Variants in RBM6 observed in about 807,000 individuals in gnomAD.
RBM6 encodes RNA binding motif protein 6, also known as RNA-binding protein 6.
A neutral mutation model predicts 140.4 loss-of-function variants in RBM6; 23 were observed. That is an observed-to-expected ratio of 0.16 (90% confidence interval 0.12 to 0.23). The LOEUF is 0.23. RBM6 is among the 10% of genes least tolerant of loss of function. The pLI, the probability that RBM6 is intolerant of heterozygous loss-of-function variation, is 1.00. For missense variants in RBM6, 1,139 were observed against 1,386.7 expected, an observed-to-expected ratio of 0.82 and a Z score of 2.84; for synonymous variants, 439 against 475.6, an observed-to-expected ratio of 0.92 and a Z score of 1.00.
chr3:49,943,721 T>C (rs906804216), intron 1 of RBM6, among the ~76,000 whole-genome samples: 6 of 152,204 alleles, frequency 3.9e-5, no homozygotes, highest in African/African-American at 1.4e-4. Context: ...CTCAAGGTAC[T>C]GGTATTACAG....
At chr3:50,023,766 A>T (rs541837059) in intron 6 of RBM6, among the ~76,000 whole-genome samples, 23 of 147,142 alleles carry the variant, frequency 1.6e-4, no homozygotes, top group African/African-American at 5.8e-4. Flanking sequence ...CTCGTGCCTC[A>T]GCCTCTCGAG....
intron 6 of RBM6, among the ~76,000 whole-genome samples, chr3:50,030,286 TAAAAAAAAAAAAAAAA>T (rs57797585): frequency 9.6e-6 from 1 of 103,872 alleles, no homozygotes; most frequent in African/African-American, 3.9e-5. Context: ...CTTTTTGTCT[TAAAAAAAAAAAAAAAA>T]AAAAAAAAAA....
intron 6 of RBM6, among the ~76,000 whole-genome samples, chr3:50,038,825 T>G (rs1202503213): frequency 6.6e-6 from 1 of 151,912 alleles, no homozygotes; most frequent in East Asian, 1.9e-4. Context: ...AGAGCAAGAC[T>G]CCGTCCCCAA....
intron 1 of RBM6, among the ~76,000 whole-genome samples, chr3:49,945,323 G>C (rs1326743172): frequency 2.0e-5 from 3 of 151,926 alleles, no homozygotes; most frequent in Non-Finnish European, 4.4e-5. Flanking sequence ...GACTACAGGT[G>C]CATGCCACCA....
intron 19 of RBM6, among the ~76,000 whole-genome samples, chr3:50,072,295 A>G (rs937324980): frequency 2.0e-5 from 3 of 151,714 alleles, no homozygotes; most frequent in African/African-American, 7.3e-5. Context: ...CTGTAATCCC[A>G]GCTACTCGGG....
chr3:49,988,283 C>T (rs1402456937), intron 5 of RBM6, among the ~76,000 whole-genome samples: 2 of 152,082 alleles, frequency 1.3e-5, no homozygotes, highest in African/African-American at 2.4e-5. Flanking sequence ...TAGCTGGGAC[C>T]ACAGGTACCC....
chr3:50,007,247 A>G (rs1339698779), intron 6 of RBM6, among the ~76,000 whole-genome samples: 1 of 138,112 alleles, frequency 7.2e-6, no homozygotes, highest in Admixed American at 7.7e-5. Flanking sequence ...CCTAGGCTGG[A>G]GTGCAGTGGT....
intron 6 of RBM6, among the ~76,000 whole-genome samples, chr3:50,040,398 A>T (rs2088814399): frequency 7.0e-6 from 1 of 142,622 alleles, no homozygotes. Flanking sequence ...GTGAGCTGAG[A>T]TCGCACCACT....
chr3:50,043,239 T>G (rs1012580439), intron 6 of RBM6, among the ~76,000 whole-genome samples: 15 of 152,122 alleles, frequency 9.9e-5, no homozygotes, highest in Non-Finnish European at 1.8e-4. Context: ...ATCCCAGCAC[T>G]TCGGGAGGCC....
At chr3:50,062,892 C>CTT (rs36101209) in intron 15 of RBM6, among the ~76,000 whole-genome samples, 22 of 128,482 alleles carry the variant, frequency 1.7e-4, no homozygotes, top group African/African-American at 2.3e-4. Context: ...TTTCTTTTTC[C>CTT]TTTTTTTTTT....
chr3:49,944,396 A>G (rs777806663), intron 1 of RBM6, among the ~76,000 whole-genome samples: 1 of 151,354 alleles, frequency 6.6e-6, no homozygotes, highest in Non-Finnish European at 1.5e-5. Context: ...CCATTTATCT[A>G]TTGATGGACA....
intron 3 of RBM6, 65 bp from the exon 4 acceptor site, chr3:49,971,994 C>T (rs1419685940): frequency 7.3e-6 from 9 of 1,233,758 alleles, no homozygotes; most frequent in Non-Finnish European, 2.3e-6. Context: ...GGCTAAATTT[C>T]ATGTTGATTT....
At chr3:50,044,514 C>T (rs1240721270) in intron 6 of RBM6, among the ~76,000 whole-genome samples, 1 of 150,110 alleles carries the variant, frequency 6.7e-6, no homozygotes. Flanking sequence ...ACTTGGGAGG[C>T]GGAGGTTGCA....
At chr3:50,003,424 G>T (rs1201908553) in intron 6 of RBM6, among the ~76,000 whole-genome samples, 1 of 151,974 alleles carries the variant, frequency 6.6e-6, no homozygotes, top group Non-Finnish European at 1.5e-5. Context: ...TCTTAGTAGA[G>T]CCTGAGTGTG....
intron 6 of RBM6, among the ~76,000 whole-genome samples, chr3:50,044,893 A>T (rs1271403739): frequency 2.0e-5 from 3 of 152,184 alleles, no homozygotes; most frequent in Admixed American, 2.0e-4. Flanking sequence ...GGTTTTGGAA[A>T]AATAATAATA....
At chr3:50,003,034 T>G (rs1051028561) in intron 6 of RBM6, among the ~76,000 whole-genome samples, 3 of 152,020 alleles carry the variant, frequency 2.0e-5, no homozygotes, top group African/African-American at 7.2e-5. Context: ...GATAATTGCT[T>G]GAACCCAGGA....
chr3:49,971,771 TATGTTA>T (rs1284754913), intron 3 of RBM6, among the ~76,000 whole-genome samples: 1 of 152,128 alleles, frequency 6.6e-6, no homozygotes, highest in Non-Finnish European at 1.5e-5. Context: ...GTTTTGAGAC[TATGTTA>T]GTGTGTCTTT....
intron 6 of RBM6, among the ~76,000 whole-genome samples, chr3:50,045,432 T>C (rs1225121396): frequency 6.6e-6 from 1 of 152,214 alleles, no homozygotes; most frequent in Non-Finnish European, 1.5e-5. Flanking sequence ...ATTCAGTCTT[T>C]GATTCATTCA....
intron 8 of RBM6, among the ~76,000 whole-genome samples, chr3:50,054,609 G>A (rs893963419): frequency 1.3e-5 from 2 of 150,516 alleles, no homozygotes; most frequent in Admixed American, 6.6e-5. Flanking sequence ...AGGTTCAAGC[G>A]ATTCCCCTGC....
Sources: allele counts gnomAD v4.1 joint callset (sites outside exome capture counted in the v4.1 genomes callset), GRCh38; gene constraint gnomAD v4.1.1; transcripts MANE v1.5; gene names NCBI Gene and HGNC (gene_info 2026-07-23, HGNC 2026-07-21).